Variants in GMDS observed in about 807,000 individuals in gnomAD.
GMDS encodes GDP-mannose 4,6-dehydratase.
A neutral mutation model predicts 49.9 loss-of-function variants in GMDS; 20 were observed. The observed-to-expected ratio is 0.40, with a 90% CI of 0.28 to 0.58. The LOEUF (loss-of-function observed/expected upper bound fraction) is 0.58. Ranked by LOEUF, GMDS falls within the 20% of genes least tolerant of loss-of-function variation. The pLI, the probability that GMDS is intolerant of heterozygous loss-of-function variation, is 0.42. For missense variants in GMDS, 362 were observed against 481.4 expected (o/e 0.75, Z 2.32); for synonymous variants, 177 against 178.6 (o/e 0.99, Z 0.07).
At chr6:2,025,975 T>C (rs1171584640) in intron 4 of GMDS, among the ~76,000 whole-genome samples, 2 of 152,246 alleles carry the variant, frequency 1.3e-5, no homozygotes, top group African/African-American at 4.8e-5. Flanking sequence ...CATGGCCACA[T>C]AGTCCTTAGA....
At chr6:1,830,929 A>G (rs1384026510) in intron 7 of GMDS, among the ~76,000 whole-genome samples, 1 of 152,246 alleles carries the variant, frequency 6.6e-6, no homozygotes, top group Non-Finnish European at 1.5e-5. Flanking sequence ...TAGTCCTTCC[A>G]TTCATGTCTA....
chr6:1,737,532 C>G (rs564472286), intron 8 of GMDS, among the ~76,000 whole-genome samples: 1 of 151,128 alleles, frequency 6.6e-6, no homozygotes, highest in African/African-American at 2.4e-5. Flanking sequence ...GAGATACACA[C>G]ACATACACAC....
At chr6:2,147,789 T>A (rs770972614) in intron 1 of GMDS, among the ~76,000 whole-genome samples, 9 of 149,968 alleles carry the variant, frequency 6.0e-5, no homozygotes, top group Non-Finnish European at 8.9e-5. Context: ...CTCAAAAAAA[T>A]GTAAAGATGT....
intron 7 of GMDS, among the ~76,000 whole-genome samples, chr6:1,923,773 A>G (rs1414648464): frequency 1.3e-5 from 2 of 152,220 alleles, no homozygotes; most frequent in East Asian, 3.8e-4. Context: ...TCCCTTAAAT[A>G]AGATCTCAAA....
intron 4 of GMDS, among the ~76,000 whole-genome samples, chr6:2,082,931 A>T (rs1337076534): frequency 1.3e-5 from 2 of 152,242 alleles, no homozygotes; most frequent in Admixed American, 1.3e-4. Flanking sequence ...GGTACTGACA[A>T]GGATTCAAAC....
chr6:1,762,163 G>A (rs960174762), intron 7 of GMDS, among the ~76,000 whole-genome samples: 33 of 152,224 alleles, frequency 2.2e-4, no homozygotes, highest in Admixed American at 1.7e-3. Flanking sequence ...GCTTATAACC[G>A]TCTGCATTTA....
intron 4 of GMDS, among the ~76,000 whole-genome samples, chr6:2,011,938 A>G (rs1296636531): frequency 6.6e-6 from 1 of 152,202 alleles, no homozygotes; most frequent in Non-Finnish European, 1.5e-5. Context: ...AAAATAAAAC[A>G]AGAACAAAAT....
At chr6:2,237,273 T>C (rs530233821) in intron 1 of GMDS, among the ~76,000 whole-genome samples, 2 of 152,344 alleles carry the variant, frequency 1.3e-5, no homozygotes, top group East Asian at 1.9e-4. Flanking sequence ...AATTGCTTAC[T>C]AGCTTGCCAA....
At chr6:1,744,603 G>C (rs1767410317) in intron 7 of GMDS, among the ~76,000 whole-genome samples, 1 of 152,024 alleles carries the variant, frequency 6.6e-6, no homozygotes, top group Non-Finnish European at 1.5e-5. Context: ...GGGCTGAGGA[G>C]AGCAATGAGA....
At chr6:1,945,525 G>A (rs1371045368) in intron 6 of GMDS, among the ~76,000 whole-genome samples, 1 of 152,250 alleles carries the variant, frequency 6.6e-6, no homozygotes, top group East Asian at 1.9e-4. Context: ...TCTTGTGGTT[G>A]GTTATAGTCG....
intron 9 of GMDS, among the ~76,000 whole-genome samples, chr6:1,704,132 G>T (rs1231553680): frequency 6.6e-6 from 1 of 152,146 alleles, no homozygotes; most frequent in Non-Finnish European, 1.5e-5. Flanking sequence ...TTTTTGCTAA[G>T]GGGACAAGAT....
chr6:1,789,712 AT>A (rs1009240191), intron 7 of GMDS, among the ~76,000 whole-genome samples: 1 of 150,908 alleles, frequency 6.6e-6, no homozygotes, highest in Non-Finnish European at 1.5e-5. Flanking sequence ...ATTTTTGTGT[AT>A]TTTTTTTGTA....
At chr6:2,188,482 C>T (rs1291366972) in intron 1 of GMDS, among the ~76,000 whole-genome samples, 2 of 152,062 alleles carry the variant, frequency 1.3e-5, no homozygotes, top group African/African-American at 2.4e-5. Flanking sequence ...TTGATATGGA[C>T]GGGGATTCAT....
chr6:1,906,220 TC>T (rs1474324844), intron 7 of GMDS, among the ~76,000 whole-genome samples: 1 of 152,200 alleles, frequency 6.6e-6, no homozygotes, highest in African/African-American at 2.4e-5. Context: ...ATATAAGCCA[TC>T]CTACATATGC....
chr6:1,719,623 A>T (rs1439627638), intron 9 of GMDS, among the ~76,000 whole-genome samples: 4 of 5,174 alleles, frequency 7.7e-4, no homozygotes, highest in Admixed American at 2.5e-3. Flanking sequence ...TGATTTGTTT[A>T]AAAAAAAAAA....
chr6:1,999,320 CAA>C (rs61018439), intron 4 of GMDS, among the ~76,000 whole-genome samples: 2,277 of 86,608 alleles, frequency 0.026, 29 homozygotes, highest in African/African-American at 0.078. Flanking sequence ...GACTCTGTCT[CAA>C]AAAAAAAAAA....
rs534855633 is a variant in GMDS at position 2,051,438 on chromosome 6, G to C, written c.345+64333C>G. Among the ~76,000 whole-genome samples the C allele has an allele frequency of 3.9e-5, 6 of 152,264 alleles. No homozygotes were observed. The South Asian group carries it at 1.0e-3, about 26-fold the overall frequency. ...TTTTTCATCTTTATTTAGATAACATGGTAAAATACACTAATTGATTTTAAA... is the reference window on the plus strand; with the variant it reads ...TTTTTCATCTTTATTTAGATAACATCGTAAAATACACTAATTGATTTTAAA... On this transcript the variant is annotated intron_variant, in intron 4 of 10. Transcript: ENST00000380815.
chr6:1,711,926 C>A (rs1199872465), intron 9 of GMDS, among the ~76,000 whole-genome samples: 3 of 152,210 alleles, frequency 2.0e-5, no homozygotes, highest in African/African-American at 7.2e-5. Context: ...ACTGCACAGT[C>A]ACCAGCCGAA....
chr6:2,067,338 C>G (rs1388807602), intron 4 of GMDS, among the ~76,000 whole-genome samples: 3 of 150,402 alleles, frequency 2.0e-5, no homozygotes, highest in South Asian at 2.1e-4. Context: ...GACACCCTAA[C>G]ATCACAATTA....
Sources: allele counts gnomAD v4.1 joint callset (sites outside exome capture counted in the v4.1 genomes callset), GRCh38; gene constraint gnomAD v4.1.1; transcripts MANE v1.5; gene names NCBI Gene and HGNC (gene_info 2026-07-23, HGNC 2026-07-21).